CFAP97D2: variants seen among roughly 807,000 people sequenced by gnomAD.
CFAP97D2 encodes uncharacterized protein CFAP97D2.
rs193131223 is a variant in CFAP97D2 at position 114,185,031 on chromosome 13, G to A, written c.90+5611G>A. On this transcript the variant is annotated intron_variant, in intron 1 of 4. Coordinates refer to ENST00000646158, the Ensembl canonical transcript of CFAP97D2. The surrounding 1 kb of genome is among the most constrained non-coding windows in gnomAD (Gnocchi z 5.2). ...AGTGGGTGGGGGGTGGTGCATGGGT[G>A]GTGGTGGTGGAAGCAGCTGCAGGAG... Among the ~76,000 whole-genome samples, 22 of 152,286 alleles carry A rather than the reference G, an allele frequency of 1.4e-4. No homozygotes were observed. The highest frequency in any genetic ancestry group is 2.9e-4 in the Non-Finnish European group (20 of 68,016).
intron 2 of CFAP97D2, 28 bp from the exon 3 acceptor site, chr13:114,200,297 C>T (rs956867899): frequency 2.5e-6 from 1 of 397,904 alleles, no homozygotes; most frequent in Non-Finnish European, 4.4e-6. Context: ...TCTGCCGGCG[C>T]TCCTCCAGCC....
Position 114,213,080 on chromosome 13 carries a change from A to G in CFAP97D2, c.480+979A>G, listed in dbSNP as rs2080975307. Among the ~76,000 whole-genome samples, 3 of 152,310 alleles carry G rather than the reference A, an allele frequency of 2.0e-5. No homozygotes were observed. The South Asian group carries it at 6.2e-4, about 32-fold the overall frequency. Reference sequence around the variant, plus strand: ...TTTTGTCATTAATATACTGCTTATAAATATCCCCAATAAATCAAATTAATT... The same window carrying G: ...TTTTGTCATTAATATACTGCTTATAGATATCCCCAATAAATCAAATTAATT... On this transcript the variant is annotated intron_variant, in intron 4 of 4. Coordinates refer to ENST00000646158, the Ensembl canonical transcript of CFAP97D2.
intron 1 of CFAP97D2, among the ~76,000 whole-genome samples, chr13:114,183,986 C>T (rs766601275): frequency 2.0e-5 from 3 of 152,180 alleles, no homozygotes; most frequent in African/African-American, 4.8e-5. Flanking sequence ...CTTGTCTCTA[C>T]AGTAAAATTT....
intron 4 of CFAP97D2, among the ~76,000 whole-genome samples, chr13:114,216,562 T>C (rs1173922132): frequency 6.6e-6 from 1 of 152,180 alleles, no homozygotes; most frequent in East Asian, 1.9e-4. Flanking sequence ...GACCTTGCAA[T>C]AGTTTGCTGA....
At chr13:114,219,902 C>G (rs191103098) in intron 4 of CFAP97D2, among the ~76,000 whole-genome samples, 1 of 151,984 alleles carries the variant, frequency 6.6e-6, no homozygotes, top group Non-Finnish European at 1.5e-5. Flanking sequence ...CATAGGGTAC[C>G]TCAGTCTTCA....
intron 4 of CFAP97D2, among the ~76,000 whole-genome samples, chr13:114,215,397 T>G (rs1278238839): frequency 1.3e-5 from 2 of 152,214 alleles, no homozygotes; most frequent in African/African-American, 4.8e-5. Flanking sequence ...TCACCTAAGT[T>G]TATTTTAAGG....
chr13:114,191,075 C>T (rs1419506869), intron 1 of CFAP97D2, among the ~76,000 whole-genome samples: 2 of 152,100 alleles, frequency 1.3e-5, no homozygotes, highest in Non-Finnish European at 1.5e-5. Context: ...CAAAATTTAA[C>T]TCAAAATGGA....
rs1474613481 is a variant in CFAP97D2, at chr13:114,207,283, C to G, written c.291-4629C>G. 6.6e-6 allele frequency among the ~76,000 whole-genome samples: 1 copy of G among 152,206 alleles called. No individual in the cohort carries two copies. Among genetic ancestry groups the G allele is most frequent in the Non-Finnish European group, 1.5e-5 (1 of 68,030 alleles). On this transcript the variant is annotated intron_variant, in intron 3 of 4. Coordinates refer to ENST00000646158, the Ensembl canonical transcript of CFAP97D2. The surrounding 1 kb of genome is among the most constrained non-coding windows in gnomAD (Gnocchi z 4.9). ...TTATTTGCCACCATTGAGGACGCTA[C>G]TGGGATACGGCATGGACAGCGAGGG... is the stretch of plus-strand genomic sequence containing the variant.
At chr13:114,214,921 T>A (rs1313512472) in intron 4 of CFAP97D2, among the ~76,000 whole-genome samples, 1 of 152,230 alleles carries the variant, frequency 6.6e-6, no homozygotes, top group Non-Finnish European at 1.5e-5. Context: ...CCTTAATTTA[T>A]TTAATCAGTC....
chr13:114,216,441 T>C (rs2080993458), intron 4 of CFAP97D2, among the ~76,000 whole-genome samples: 1 of 146,818 alleles, frequency 6.8e-6, no homozygotes, highest in South Asian at 2.3e-4. Flanking sequence ...CCCTCCCCAC[T>C]CCCCCCACCC....
intron 1 of CFAP97D2, among the ~76,000 whole-genome samples, chr13:114,183,644 T>C (rs1478237678): frequency 1.3e-5 from 2 of 152,096 alleles, no homozygotes; most frequent in Non-Finnish European, 2.9e-5. Context: ...AATGGCTGTG[T>C]CTTTACATGG....
At chr13:114,198,472 TTAAAA>T (rs1424401206) in intron 2 of CFAP97D2, among the ~76,000 whole-genome samples, 1 of 152,264 alleles carries the variant, frequency 6.6e-6, no homozygotes, top group Non-Finnish European at 1.5e-5. Context: ...TCTATCTTTC[TTAAAA>T]TATAAAAAAG....
intron 1 of CFAP97D2, among the ~76,000 whole-genome samples, chr13:114,182,410 G>A (rs200057350): frequency 6.4e-4 from 97 of 152,050 alleles, no homozygotes; most frequent in African/African-American, 1.5e-3. Context: ...CCAGGGGCAG[G>A]CAGGAGACAG....
chr13:114,209,169 G>A (rs886671630), intron 3 of CFAP97D2, among the ~76,000 whole-genome samples: 2 of 152,188 alleles, frequency 1.3e-5, no homozygotes, highest in Non-Finnish European at 2.9e-5. Context: ...CTGCCGTGAG[G>A]ACCACAGTGA....
At chr13:114,190,050 G>A (rs2080863861) in intron 1 of CFAP97D2, among the ~76,000 whole-genome samples, 1 of 152,100 alleles carries the variant, frequency 6.6e-6, no homozygotes, top group South Asian at 2.1e-4. Flanking sequence ...GTGGAGATGG[G>A]AGGATCACTT....
chr13:114,190,463 A>C (rs912663118), intron 1 of CFAP97D2, among the ~76,000 whole-genome samples: 3 of 152,244 alleles, frequency 2.0e-5, no homozygotes, highest in African/African-American at 7.2e-5. Flanking sequence ...TGAAGGATAT[A>C]AGGTTAATCT....
intron 1 of CFAP97D2, among the ~76,000 whole-genome samples, chr13:114,190,421 CAT>C (rs2080865442): frequency 2.6e-5 from 4 of 151,990 alleles, no homozygotes; most frequent in African/African-American, 9.7e-5. Context: ...AATAAAAAGA[CAT>C]GTGGAAGGAA....
chr13:114,214,013 TGTAC>T (rs1460143894), intron 4 of CFAP97D2: 1 of 151,148 alleles, frequency 6.6e-6, no homozygotes, highest in Non-Finnish European at 1.5e-5. Flanking sequence ...ACCCCACCCG[TGTAC>T]AAGCTCCTAA....
At chr13:114,206,010 T>A (rs985969228) in intron 3 of CFAP97D2, among the ~76,000 whole-genome samples, 15 of 152,068 alleles carry the variant, frequency 9.9e-5, no homozygotes, top group Admixed American at 1.3e-4. Flanking sequence ...TGGAGTGCAG[T>A]CTGCATTGCC....
Sources: gnomAD v4.1 joint callset for allele counts (sites outside exome capture counted in the v4.1 genomes callset) on GRCh38, gnomAD v4.1.1 for gene constraint, Gnocchi (gnomAD v3.1) non-coding constraint, MANE v1.5 for transcripts, NCBI Gene and HGNC (gene_info 2026-07-23, HGNC 2026-07-21) for gene names.